Variants in TSC22D2 observed in about 807,000 individuals in gnomAD.
TSC22D2 encodes TSC22 domain family protein 2.
Under a neutral mutation model 50.1 loss-of-function variants are expected in TSC22D2, and 5 were observed. The ratio of observed to expected loss-of-function variants is 0.10; its 90% CI spans 0.05 to 0.21. The LOEUF is 0.21. Ranked by LOEUF, TSC22D2 falls within the 10% of genes least tolerant of loss-of-function variation. The pLI is 1.00. For missense variants in TSC22D2, 1,003 were observed against 1,015.5 expected (o/e 0.99, Z 0.17); for synonymous variants, 501 against 450.1 (o/e 1.11, Z -1.43).
Position 150,410,917 on chromosome 3 carries a change from A to C in TSC22D2, c.1567A>C (p.Thr523Pro), listed in dbSNP as rs1441010054. The change falls in exon 1 of 3, where the codon ACC becomes CCC. Residue 523 changes from threonine (T) to proline (P), a missense_variant. Physicochemically the swap from Thr to Pro is conservative, Grantham distance 38. This residue lies in a region of TSC22D2 where 696 missense variants were observed against 647.8 expected (regional missense o/e 1.07). Coordinates refer to ENST00000688009, the MANE Select transcript of TSC22D2 (RefSeq NM_001303264.2). ...CGCTCCAAGCGTGCCTAGTGTGTCTACCACTTCTGTTACTATGCCAAATGT... is the reference window on the plus strand; with the variant it reads ...CGCTCCAAGCGTGCCTAGTGTGTCTCCCACTTCTGTTACTATGCCAAATGT... ...VPAPSVPSVS[T>P]TSVTMPNVPA... 1 of 1,613,878 alleles carries C rather than the reference A, an allele frequency of 6.2e-7. No individual in the cohort carries two copies. Among genetic ancestry groups the C allele is most frequent in the Non-Finnish European group, 8.5e-7 (1 of 1,180,010 alleles).
chr3:150,442,855 A>T (rs1006761892), intron 1 of TSC22D2, among the ~76,000 whole-genome samples: 2 of 152,182 alleles, frequency 1.3e-5, no homozygotes, highest in African/African-American at 4.8e-5. Context: ...AGGCAGAAGG[A>T]TCACTTGAGC....
In TSC22D2 at chr3:150,461,359, A is replaced by G. The variant is rs1239207396; in HGVS notation, c.*2723A>G. On this transcript the variant is annotated 3_prime_UTR_variant, in exon 3 of 3. Transcript: ENST00000688009. Reference sequence around the variant, plus strand: ...TTTGGAGATTTAGTCTCCTGCTCCAAATAGTTGTAAATATTAACTGATTGA... The same window carrying G: ...TTTGGAGATTTAGTCTCCTGCTCCAGATAGTTGTAAATATTAACTGATTGA... 1.3e-5 allele frequency: 2 copies of G among 152,204 alleles called. No homozygotes were observed. The highest frequency in any genetic ancestry group is 2.9e-5 in the Non-Finnish European group (2 of 68,036). The allele number at this position is 152,204 out of a possible 1,614,324, so 9.4% of individuals were successfully genotyped here.
chr3:150,464,768 C>A lies in TSC22D2; in HGVS notation c.*6132C>A, dbSNP rs114382366. On this transcript the variant is annotated 3_prime_UTR_variant, in exon 3 of 3. Transcript: ENST00000688009. ...GAAGGAGGGGAAAAGCCTTCCACCT[C>A]GACATCGAGCCTATGAAGTATTCCC... 6 of 152,052 alleles carry A rather than the reference C, an allele frequency of 3.9e-5. No individual in the cohort carries two copies. The highest frequency in any genetic ancestry group is 1.4e-4 in the African/African-American group (6 of 41,408). The allele number at this position is 152,052 out of a possible 1,614,324, so 9.4% of individuals were successfully genotyped here.
rs115053639 is a variant in TSC22D2, at chr3:150,449,644, C to T, written c.1959-7432C>T. Among the ~76,000 whole-genome samples the T allele has an allele frequency of 3.8e-3, 579 of 152,140 alleles. 4 individuals are homozygous for T. Among genetic ancestry groups the T allele is most frequent in the African/African-American group, 0.013 (559 of 41,518 alleles). On this transcript the variant is annotated intron_variant, in intron 1 of 2. Transcript: ENST00000688009. ...ACACCATGATTCATTTAACCAGAAG[C>T]ATTGCTGTTATAAACAGTGTTGTAA...
intron 1 of TSC22D2, among the ~76,000 whole-genome samples, chr3:150,450,506 C>T (rs1457000049): frequency 6.6e-6 from 1 of 151,726 alleles, no homozygotes; most frequent in Non-Finnish European, 1.5e-5. Flanking sequence ...ATTGGTAGAA[C>T]TGATGGTCAA....
intron 1 of TSC22D2, among the ~76,000 whole-genome samples, chr3:150,429,950 G>A (rs772301399): frequency 6.6e-6 from 1 of 152,044 alleles, no homozygotes; most frequent in Admixed American, 6.5e-5. Context: ...TACCAGGAAC[G>A]TTTGCAATTA....
At chr3:150,420,526 G>A (rs1560081725) in intron 1 of TSC22D2, among the ~76,000 whole-genome samples, 1 of 152,168 alleles carries the variant, frequency 6.6e-6, no homozygotes, top group Non-Finnish European at 1.5e-5. Flanking sequence ...CAAATTAAGT[G>A]TATTCTAATA....
chr3:150,452,575 A>G (rs1490380585), intron 1 of TSC22D2, among the ~76,000 whole-genome samples: 1 of 152,214 alleles, frequency 6.6e-6, no homozygotes, highest in Admixed American at 6.5e-5. Context: ...TCTCATGGTA[A>G]GAGTAAGGAA....
intron 1 of TSC22D2, among the ~76,000 whole-genome samples, chr3:150,440,332 A>T (rs1720676110): frequency 6.6e-6 from 1 of 152,182 alleles, no homozygotes; most frequent in Non-Finnish European, 1.5e-5. Context: ...ACTATCTTTT[A>T]TTATTTGCCA....
Position 150,410,643 on chromosome 3 carries a change from C to T in TSC22D2, c.1293C>T (p.Ser431=). 1 of 1,553,816 alleles carries T rather than the reference C, an allele frequency of 6.4e-7. No homozygotes were observed. ...SVGAQLMGAS[S]QPSEAMAPRT... is the part of the protein sequence containing the mutation. ...GCGCGCAGCTCATGGGCGCGTCTTC[C>T]CAGCCCAGCGAAGCCATGGCCCCCC... The change falls in exon 1 of 3, where the codon TCC becomes TCT. Residue 431 remains serine, a synonymous_variant. Coordinates refer to ENST00000688009, the MANE Select transcript of TSC22D2 (RefSeq NM_001303264.2).
Position 150,410,216 on chromosome 3 carries a change from C to T in TSC22D2, c.866C>T (p.Ser289Leu), listed in dbSNP as rs768747439. ...GTAGGTGGGGCTGTGGCTCAAAGCT[C>T]GGCTCCGCTGCCGCCGTTCCCGGGA... is the stretch of plus-strand genomic sequence containing the variant. ...PPVGGAVAQS[S>L]APLPPFPGAA... is the part of the protein sequence containing the mutation. Residue 289 changes from serine (S) to leucine (L), a missense_variant, in exon 1 of 3, where the codon TCG (serine) becomes TTG (leucine). Coordinates refer to ENST00000688009, the MANE Select transcript of TSC22D2 (RefSeq NM_001303264.2). The T allele has an allele frequency of 6.3e-7, 1 of 1,582,966 alleles. No individual in the cohort carries two copies. Among genetic ancestry groups the T allele is most frequent in the Admixed American group, 1.8e-5 (1 of 54,986 alleles).
At position 150,409,452 on chromosome 3, in the gene TSC22D2, C is replaced by T. The variant is rs747307379; in HGVS notation, c.102C>T (p.Asp34=). The T allele has an allele frequency of 1.9e-6, 3 of 1,613,486 alleles. No homozygotes were observed. The Admixed American group carries it at 5.0e-5, about 27-fold the overall frequency. Reference sequence around the variant, plus strand: ...TCACCGAGGACACCGAGAGCTTGGACGACCCGGACGAGTCACGCACAGAGG... The same window carrying T: ...TCACCGAGGACACCGAGAGCTTGGATGACCCGGACGAGTCACGCACAGAGG... ...TSITEDTESL[D]DPDESRTEDV... The change falls in exon 1 of 3, where the codon GAC becomes GAT. Residue 34 remains aspartate (D), a synonymous_variant. Coordinates refer to ENST00000688009, the MANE Select transcript of TSC22D2 (RefSeq NM_001303264.2). The surrounding 1 kb of genome is among the most constrained non-coding windows in gnomAD (Gnocchi z 7.4).
At chr3:150,443,671 C>CT (rs960941420) in intron 1 of TSC22D2, among the ~76,000 whole-genome samples, 2 of 152,104 alleles carry the variant, frequency 1.3e-5, no homozygotes, top group Non-Finnish European at 2.9e-5. Context: ...TTTGAATTGT[C>CT]TTTTTTATCT....
intron 1 of TSC22D2, among the ~76,000 whole-genome samples, chr3:150,434,332 G>A (rs1189507436): frequency 2.0e-5 from 3 of 151,990 alleles, no homozygotes; most frequent in Non-Finnish European, 2.9e-5. Context: ...CATAAAGACA[G>A]GGTTTCAGCA....
chr3:150,424,840 C>T (rs746605636), intron 1 of TSC22D2, among the ~76,000 whole-genome samples: 21 of 152,164 alleles, frequency 1.4e-4, no homozygotes, highest in Non-Finnish European at 2.6e-4. Flanking sequence ...AAGTTGGCCT[C>T]GTTGGTACTA....
At chr3:150,458,053 C>T (rs542336781) in intron 2 of TSC22D2, among the ~76,000 whole-genome samples, 6 of 151,998 alleles carry the variant, frequency 3.9e-5, no homozygotes, top group Non-Finnish European at 7.4e-5. Flanking sequence ...AATATTGTTC[C>T]TTTGTTCTCT....
chr3:150,463,284 T>A lies in TSC22D2; in HGVS notation c.*4648T>A, dbSNP rs1014531167. ...TAGGTACTGACAGCCCAAGGCAGAA[T>A]AGGTTTTGCTAGGCTTTAGCCTTTT... On this transcript the variant is annotated 3_prime_UTR_variant, in exon 3 of 3. Coordinates refer to ENST00000688009, the MANE Select transcript of TSC22D2 (RefSeq NM_001303264.2). 6.6e-6 allele frequency: 1 copy of A among 152,252 alleles called. No homozygotes were observed. The highest frequency in any genetic ancestry group is 2.4e-5 in the African/African-American group (1 of 41,460). The allele number at this position is 152,252 out of a possible 1,614,324, so 9.4% of individuals were successfully genotyped here. A position where few individuals can be genotyped will look rare whatever the true frequency, so the allele number is the denominator to read the frequency against.
chr3:150,409,364 C>T lies in TSC22D2; in HGVS notation c.14C>T (p.Pro5Leu), dbSNP rs1719406792. The T allele has an allele frequency of 6.3e-7, 1 of 1,599,002 alleles. No homozygotes were observed. The highest frequency in any genetic ancestry group is 8.6e-7 in the Non-Finnish European group (1 of 1,168,640). ...GCCTTCTTCACCATGTCCAAGATGC[C>T]GGCCAAGAAGAAGAGCTGCTTCCAG... is the stretch of plus-strand genomic sequence containing the variant. MSKMPAKKKSCFQIT... is the reference protein window; with the variant it reads MSKMLAKKKSCFQIT... Residue 5 changes from proline to leucine, a missense_variant, in exon 1 of 3, where the codon CCG (proline) becomes CTG (leucine). Physicochemically the swap from Pro to Leu is moderately conservative, Grantham distance 98. Transcript: ENST00000688009. The surrounding 1 kb of genome is among the most constrained non-coding windows in gnomAD (Gnocchi z 7.4).
chr3:150,437,035 T>C (rs922337010), intron 1 of TSC22D2, among the ~76,000 whole-genome samples: 1 of 152,142 alleles, frequency 6.6e-6, no homozygotes, highest in African/African-American at 2.4e-5. Context: ...TTATAGTGTT[T>C]TATTTAGGGG....
Sources: gnomAD v4.1 joint callset for allele counts (sites outside exome capture counted in the v4.1 genomes callset) on GRCh38, gnomAD v4.1.1 for gene constraint, gnomAD v4.1.1 regional missense constraint, Gnocchi (gnomAD v3.1) non-coding constraint, MANE v1.5 for transcripts, NCBI Gene and HGNC (gene_info 2026-07-23, HGNC 2026-07-21) for gene names.